The following PSG8 variants were observed in gnomAD, a reference collection of about 807,000 sequenced individuals.
The protein encoded by PSG8 is pregnancy-specific beta-1-glycoprotein 8.
A neutral mutation model predicts 42.5 loss-of-function variants in PSG8; 57 were observed. That is an observed-to-expected ratio of 1.34 (90% CI 1.08 to 1.67). PSG8 has a LOEUF of 1.67. Among genes scored for constraint, PSG8 ranks in the 40% most tolerant of loss-of-function variants. The pLI, the probability that PSG8 is intolerant of heterozygous loss-of-function variation, is 0.00. For synonymous variants in PSG8, 280 were observed against 196.8 expected (o/e 1.42, Z -3.54); for missense variants, 783 against 518.6 (o/e 1.51, Z -4.95).
intron 2 of PSG8, among the ~76,000 whole-genome samples, chr19:42,759,662 C>G (rs979697190): frequency 2.6e-5 from 4 of 152,096 alleles, no homozygotes; most frequent in African/African-American, 9.7e-5. Context: ...ATTTGTAATA[C>G]TGTAATTTTC....
At chr19:42,755,440 A>G (rs62112122) in intron 3 of PSG8, 174 bp from the exon 4 acceptor site, 68,021 of 1,316,196 alleles carry the variant, frequency 0.052, 2,236 homozygotes, top group African/African-American at 0.12. Context: ...CTCAAAGACT[A>G]TGAGGCCAGC....
In PSG8 at chr19:42,758,114, G is replaced by C. The variant is rs767372250; in HGVS notation, c.597C>G (p.Asn199Lys). The C allele has an allele frequency of 6.2e-7, 1 of 1,614,012 alleles. No individual in the cohort carries two copies. Among genetic ancestry groups the C allele is most frequent in the Non-Finnish European group, 8.5e-7 (1 of 1,179,956 alleles). ...TGACACCCAATAGAAAGAGGGTCCT[G>C]TTGGTTTCAGACAACTGCAACCTGT... ...MSHRLQLSET[N>K]RTLFLLGVTK... The change falls in exon 3 of 5, where the codon AAC (asparagine) becomes AAG (lysine). Residue 199 changes from asparagine to lysine, a missense_variant. Coordinates refer to ENST00000306511, the MANE Select transcript of PSG8 (RefSeq NM_182707.3).
At chr19:42,757,198 C>G (rs569188314) in intron 3 of PSG8, among the ~76,000 whole-genome samples, 1 of 151,924 alleles carries the variant, frequency 6.6e-6, no homozygotes, top group African/African-American at 2.4e-5. Context: ...CAGGCAAAAG[C>G]TGGTGGTTTT....
chr19:42,757,685 G>C (rs1800394537), intron 3 of PSG8, among the ~76,000 whole-genome samples: 1 of 152,198 alleles, frequency 6.6e-6, no homozygotes, highest in Non-Finnish European at 1.5e-5. Flanking sequence ...CAGTGACCCT[G>C]TGAGCCAAGT....
intron 2 of PSG8, among the ~76,000 whole-genome samples, chr19:42,761,546 C>T (rs1189121522): frequency 6.6e-6 from 1 of 152,130 alleles, no homozygotes; most frequent in Non-Finnish European, 1.5e-5. Flanking sequence ...TGACCTCATC[C>T]ATACCTATGA....
chr19:42,763,433 G>C (rs899649495), intron 2 of PSG8, among the ~76,000 whole-genome samples: 3 of 152,090 alleles, frequency 2.0e-5, no homozygotes, highest in Admixed American at 1.3e-4. Context: ...GTAAATCCTC[G>C]GTCCCAGTAA....
At chr19:42,759,149 T>C (rs1249983410) in intron 2 of PSG8, among the ~76,000 whole-genome samples, 6 of 152,090 alleles carry the variant, frequency 3.9e-5, no homozygotes, top group Non-Finnish European at 8.8e-5. Flanking sequence ...CTGGCCCTCA[T>C]GGACCATATG....
downstream of PSG8, chr19:42,754,190 T>G: frequency 3.3e-6 from 5 of 1,531,884 alleles, no homozygotes; most frequent in South Asian, 6.5e-5. Flanking sequence ...TAGACAAATT[T>G]GGAGGGTTTA....
chr19:42,763,808 A>G (rs1970137012), intron 2 of PSG8, 108 bp downstream of exon 2: 1 of 1,581,386 alleles, frequency 6.3e-7, no homozygotes, highest in Admixed American at 1.7e-5. Context: ...AGCATGGGAC[A>G]TAATGCAGAG....
chr19:42,765,455 G>A lies in PSG8; in HGVS notation c.64+63C>T. On this transcript the variant is annotated intron_variant, in intron 1 of 4. Transcript: ENST00000306511. Reference sequence around the variant, plus strand: ...ATTTTTTAGTACCCCATACTCTCAAGGAGACCCCATCCAGTCACTCTGCTT... The same window carrying A: ...ATTTTTTAGTACCCCATACTCTCAAAGAGACCCCATCCAGTCACTCTGCTT... The A allele has an allele frequency of 4.4e-6, 7 of 1,599,304 alleles. No individual in the cohort carries two copies. In the South Asian group the frequency reaches 6.6e-5, roughly 15 times the overall value.
At chr19:42,761,688 A>G (rs1420714165) in intron 2 of PSG8, among the ~76,000 whole-genome samples, 5 of 151,956 alleles carry the variant, frequency 3.3e-5, no homozygotes, top group Non-Finnish European at 7.4e-5. Flanking sequence ...GTGCTCCTGA[A>G]ACTACCCTTG....
At position 42,758,135 on chromosome 19, in the gene PSG8, C is replaced by G. The variant is rs768840904; in HGVS notation, c.576G>C (p.Arg192Ser). ...MNGQSLPMSH[R>S]LQLSETNRTL... The stretch of plus-strand genomic sequence containing the variant: ...TCCTGTTGGTTTCAGACAACTGCAA[C>G]CTGTGAGACATAGGGAGGCTCTGAC... Residue 192 changes from arginine to serine, a missense_variant, in exon 3 of 5, where the codon AGG becomes AGC. By Grantham distance (110) the Arg-to-Ser change is moderately radical (BLOSUM62 -1). Coordinates refer to ENST00000306511, the MANE Select transcript of PSG8 (RefSeq NM_182707.3). 5.9e-5 allele frequency: 95 copies of G among 1,613,832 alleles called. No homozygotes were observed. The highest frequency in any genetic ancestry group is 1.2e-4 in the Admixed American group (7 of 59,990).
chr19:42,761,953 A>G (rs1314359956), intron 2 of PSG8, among the ~76,000 whole-genome samples: 2 of 147,950 alleles, frequency 1.4e-5, no homozygotes, highest in Admixed American at 1.4e-4. Context: ...TCACAAAGGG[A>G]AAGAGCCCTG....
intron 2 of PSG8, among the ~76,000 whole-genome samples, chr19:42,762,060 C>T (rs984760290): frequency 2.2e-4 from 34 of 151,616 alleles, no homozygotes; most frequent in Non-Finnish European, 4.1e-4. Context: ...GATTTCTGCA[C>T]CTTTCCTATT....
At chr19:42,763,452 C>G (rs372782086) in intron 2 of PSG8, among the ~76,000 whole-genome samples, 1 of 152,168 alleles carries the variant, frequency 6.6e-6, no homozygotes, top group South Asian at 2.1e-4. Flanking sequence ...AAGCCCTGCC[C>G]AAGAAGCCAC....
chr19:42,755,363 C>T (rs1196967283), intron 3 of PSG8, 97 bp from the exon 4 acceptor site: 4 of 1,556,884 alleles, frequency 2.6e-6, no homozygotes, highest in East Asian at 4.5e-5. Context: ...CTTCTCAGCC[C>T]ACCCGAGTCC....
At chr19:42,759,222 C>T (rs1238721585) in intron 2 of PSG8, among the ~76,000 whole-genome samples, 1 of 152,098 alleles carries the variant, frequency 6.6e-6, no homozygotes, top group East Asian at 1.9e-4. Flanking sequence ...TCTCATTAGA[C>T]ATTCTACTCT....
At chr19:42,753,301 G>GAA (rs1969826641), downstream of PSG8, 2 of 780,398 alleles carry the variant, frequency 2.6e-6, no homozygotes, top group Admixed American at 3.4e-5. Flanking sequence ...CTGGAACAGA[G>GAA]TGGGTCTTTT....
chr19:42,762,366 G>A (rs1325027742), intron 2 of PSG8, among the ~76,000 whole-genome samples: 1 of 152,126 alleles, frequency 6.6e-6, no homozygotes, highest in East Asian at 1.9e-4. Context: ...TGGCCAAAGA[G>A]CTTCAGAATT....
Sources: gnomAD v4.1 joint callset for allele counts (sites outside exome capture counted in the v4.1 genomes callset) on GRCh38, gnomAD v4.1.1 for gene constraint, MANE v1.5 for transcripts, NCBI Gene and HGNC (gene_info 2026-07-23, HGNC 2026-07-21) for gene names.